The following ZNF804B variants were observed in gnomAD, a reference collection of about 807,000 sequenced individuals.
The protein encoded by ZNF804B is zinc finger 804B.
A neutral mutation model predicts 101.4 loss-of-function variants in ZNF804B; 80 were observed. That is an observed-to-expected ratio of 0.79 (90% CI 0.66 to 0.95). The LOEUF (loss-of-function observed/expected upper bound fraction) is 0.95. Among genes scored for constraint, ZNF804B ranks in the 40% least tolerant of loss-of-function variants. The probability of loss-of-function intolerance (pLI) is 0.00; values close to 1 mark genes in which losing one functional copy is unlikely to be tolerated. For missense variants in ZNF804B, 1,673 were observed against 1,561.9 expected (o/e 1.07, Z -1.20); for synonymous variants, 622 against 558.8 (o/e 1.11, Z -1.59).
chr7:89,248,872 T>C (rs573312359), intron 2 of ZNF804B, among the ~76,000 whole-genome samples: 11 of 152,124 alleles, frequency 7.2e-5, no homozygotes, highest in Middle Eastern at 3.4e-3. Flanking sequence ...AGAAGATCCA[T>C]GTATCTGCTC....
chr7:88,894,501 C>T (rs1402263034), intron 1 of ZNF804B, among the ~76,000 whole-genome samples: 7 of 151,990 alleles, frequency 4.6e-5, no homozygotes, highest in Non-Finnish European at 8.8e-5. Flanking sequence ...TGTGAGCCAC[C>T]GCCCCTGGCC....
At chr7:88,939,441 A>C (rs1373104483) in intron 1 of ZNF804B, among the ~76,000 whole-genome samples, 1 of 151,946 alleles carries the variant, frequency 6.6e-6, no homozygotes. Flanking sequence ...AACTGTATGA[A>C]AATATTGTTT....
At chr7:89,119,833 A>G (rs1256064541) in intron 1 of ZNF804B, among the ~76,000 whole-genome samples, 6 of 152,194 alleles carry the variant, frequency 3.9e-5, no homozygotes, top group Non-Finnish European at 5.9e-5. Context: ...AAAATACATA[A>G]TTAAAAAAAT....
At chr7:88,956,193 A>G (rs1224825890) in intron 1 of ZNF804B, among the ~76,000 whole-genome samples, 1 of 151,620 alleles carries the variant, frequency 6.6e-6, no homozygotes, top group Non-Finnish European at 1.5e-5. Flanking sequence ...TCAAAAAACT[A>G]AAAATGGAAC....
At chr7:88,764,155 T>G (rs1789944649) in intron 1 of ZNF804B, among the ~76,000 whole-genome samples, 1 of 152,152 alleles carries the variant, frequency 6.6e-6, no homozygotes, top group South Asian at 2.1e-4. Context: ...AAGTTTATAT[T>G]CGAATGTAGT....
chr7:89,005,356 G>C (rs74465408), intron 1 of ZNF804B, among the ~76,000 whole-genome samples: 1 of 151,928 alleles, frequency 6.6e-6, no homozygotes, highest in East Asian at 1.9e-4. Flanking sequence ...TGTTGTTGTT[G>C]TTGTTCCTTT....
intron 1 of ZNF804B, among the ~76,000 whole-genome samples, chr7:88,905,237 T>C (rs1792450907): frequency 6.6e-6 from 1 of 152,220 alleles, no homozygotes; most frequent in African/African-American, 2.4e-5. Flanking sequence ...CCTGTGTATG[T>C]GCTGAATCAC....
chr7:89,179,601 A>T (rs1202744728), intron 1 of ZNF804B, among the ~76,000 whole-genome samples: 1 of 152,264 alleles, frequency 6.6e-6, no homozygotes, highest in East Asian at 1.9e-4. Flanking sequence ...TATCTGCCTG[A>T]AAGGTCACAT....
At chr7:89,211,611 A>T (rs12666301) in intron 1 of ZNF804B, among the ~76,000 whole-genome samples, 4 of 151,866 alleles carry the variant, frequency 2.6e-5, no homozygotes. Flanking sequence ...GTCCTTTCCC[A>T]ATTACTTGTT....
intron 1 of ZNF804B, among the ~76,000 whole-genome samples, chr7:88,875,017 G>T (rs1337028558): frequency 7.7e-6 from 1 of 129,108 alleles, no homozygotes; most frequent in Non-Finnish European, 1.6e-5. Context: ...ACTCAAAACC[G>T]CTCAACTACA....
At chr7:89,295,638 T>C (rs1790370063) in intron 2 of ZNF804B, among the ~76,000 whole-genome samples, 1 of 152,086 alleles carries the variant, frequency 6.6e-6, no homozygotes, top group African/African-American at 2.4e-5. Flanking sequence ...ATTTGGGGCA[T>C]ATTGAAAAAT....
chr7:88,921,644 G>A (rs1244487615), intron 1 of ZNF804B, among the ~76,000 whole-genome samples: 3 of 151,924 alleles, frequency 2.0e-5, no homozygotes, highest in Non-Finnish European at 2.9e-5. Context: ...TTTGCTTCCC[G>A]TGAGAATGAT....
At chr7:89,103,052 T>TG in intron 1 of ZNF804B, among the ~76,000 whole-genome samples, 2 of 34,310 alleles carry the variant, frequency 5.8e-5, no homozygotes, top group Admixed American at 2.4e-4. Flanking sequence ...GTGTCTGTTT[T>TG]TTTTTTTTTT....
At chr7:88,919,174 G>T (rs1333363602) in intron 1 of ZNF804B, among the ~76,000 whole-genome samples, 1 of 151,966 alleles carries the variant, frequency 6.6e-6, no homozygotes, top group African/African-American at 2.4e-5. Context: ...TCCCTACTTG[G>T]GGTGTCTTGG....
At chr7:89,179,686 C>T (rs149354019) in intron 1 of ZNF804B, among the ~76,000 whole-genome samples, 1 of 152,282 alleles carries the variant, frequency 6.6e-6, no homozygotes, top group Middle Eastern at 3.4e-3. Context: ...TCTGGATGAT[C>T]TTGATGCTTG....
chr7:89,150,307 A>G (rs1054545371), intron 1 of ZNF804B, among the ~76,000 whole-genome samples: 1 of 152,010 alleles, frequency 6.6e-6, no homozygotes, highest in African/African-American at 2.4e-5. Context: ...GATAAGGGGA[A>G]GCTACTGTAA....
intron 1 of ZNF804B, among the ~76,000 whole-genome samples, chr7:88,803,444 A>G (rs1790639060): frequency 6.6e-6 from 1 of 152,164 alleles, no homozygotes; most frequent in South Asian, 2.1e-4. Context: ...CTACTGAGTA[A>G]AAGGTGAGTC....
chr7:89,153,239 T>G (rs1301757054), intron 1 of ZNF804B, among the ~76,000 whole-genome samples: 1 of 151,584 alleles, frequency 6.6e-6, no homozygotes, highest in Non-Finnish European at 1.5e-5. Flanking sequence ...AGTTCCAGAT[T>G]TGAAACCAAC....
intron 1 of ZNF804B, among the ~76,000 whole-genome samples, chr7:88,816,412 C>A (rs1790878589): frequency 6.6e-6 from 1 of 152,114 alleles, no homozygotes; most frequent in African/African-American, 2.4e-5. Flanking sequence ...AGCTTCTGCA[C>A]AGCAAAAGAA....
Sources: gnomAD v4.1 joint callset for allele counts (sites outside exome capture counted in the v4.1 genomes callset) on GRCh38, gnomAD v4.1.1 for gene constraint, MANE v1.5 for transcripts, NCBI Gene and HGNC (gene_info 2026-07-23, HGNC 2026-07-21) for gene names.